Variants in CNTNAP5 observed in about 807,000 individuals in gnomAD.
CNTNAP5 encodes the protein contactin-associated protein-like 5.
In CNTNAP5, 72 loss-of-function variants were observed where a neutral mutation model predicts 150.2. The observed-to-expected ratio is 0.48, with a 90% CI of 0.40 to 0.58. The LOEUF is 0.58. CNTNAP5 is among the 20% of genes least tolerant of loss of function. The pLI is 0.00. For missense variants in CNTNAP5, 1,636 were observed against 1,626.2 expected (o/e 1.01, Z -0.10); for synonymous variants, 672 against 619.8 (o/e 1.08, Z -1.25).
rs183974807 is a variant in CNTNAP5 at position 124,295,285 on chromosome 2, C to T, written c.381+52892C>T. Among the ~76,000 whole-genome samples the T allele has an allele frequency of 3.3e-4, 28 of 84,756 alleles. No individual in the cohort carries two copies. The South Asian group carries it at 0.013, about 40-fold the overall frequency. 55.6% of individuals were successfully genotyped at this position (84,756 alleles called of 152,430 possible). On this transcript the variant is annotated intron_variant, in intron 3 of 23. Coordinates refer to ENST00000682447, the MANE Select transcript of CNTNAP5 (RefSeq NM_001367498.1). ...AACTCTAGTTTTGATCATTTGGGCTCATGTTTGGCAGAGGTGGGAGAGTCG... is the reference window on the plus strand; with the variant it reads ...AACTCTAGTTTTGATCATTTGGGCTTATGTTTGGCAGAGGTGGGAGAGTCG...
chr2:124,153,179 G>A (rs1407715246), intron 1 of CNTNAP5, among the ~76,000 whole-genome samples: 2 of 152,146 alleles, frequency 1.3e-5, no homozygotes, highest in Admixed American at 6.5e-5. Context: ...AAAGGATAGT[G>A]AAATTCATTA....
chr2:124,482,192 CAGAGAGCTTAT>C (rs1693776437), intron 7 of CNTNAP5, among the ~76,000 whole-genome samples: 1 of 152,182 alleles, frequency 6.6e-6, no homozygotes, highest in South Asian at 2.1e-4. Flanking sequence ...TCCTGTATTT[CAGAGAGCTTAT>C]AGACAAGGCC....
At chr2:124,666,493 G>A (rs1283808368) in intron 13 of CNTNAP5, among the ~76,000 whole-genome samples, 3 of 152,042 alleles carry the variant, frequency 2.0e-5, no homozygotes, top group Non-Finnish European at 4.4e-5. Context: ...TATTAATGCT[G>A]GTCAGCTGTG....
chr2:124,586,546 C>A (rs1021104790), intron 11 of CNTNAP5, among the ~76,000 whole-genome samples: 23 of 152,250 alleles, frequency 1.5e-4, no homozygotes, highest in African/African-American at 5.5e-4. Context: ...TCTTCAAATT[C>A]TTAAAAGTCA....
intron 10 of CNTNAP5, among the ~76,000 whole-genome samples, chr2:124,528,128 C>T (rs1695019609): frequency 6.6e-6 from 1 of 152,200 alleles, no homozygotes; most frequent in Non-Finnish European, 1.5e-5. Context: ...GAGCCTACCT[C>T]CTTCATTCTT....
intron 1 of CNTNAP5, among the ~76,000 whole-genome samples, chr2:124,036,652 T>G (rs1381691569): frequency 6.6e-6 from 1 of 152,070 alleles, no homozygotes; most frequent in Non-Finnish European, 1.5e-5. Context: ...ACACTGGAGA[T>G]TAGAGATAAA....
At position 124,858,408 on chromosome 2, in the gene CNTNAP5, A is replaced by G. The variant is rs554037863; in HGVS notation, c.3218-6898A>G. On this transcript the variant is annotated intron_variant, in intron 19 of 23. Transcript: ENST00000682447. The stretch of plus-strand genomic sequence containing the variant: ...AAATCACAAACATTCTTATACACCA[A>G]TAACAGACAGACAGAACCAAATCAT... Among the ~76,000 whole-genome samples the G allele has an allele frequency of 3.5e-4, 53 of 152,332 alleles. No homozygotes were observed. The South Asian group carries it at 0.011, about 31-fold the overall frequency.
intron 12 of CNTNAP5, among the ~76,000 whole-genome samples, chr2:124,621,653 G>C (rs150124413): frequency 4.6e-5 from 7 of 152,318 alleles, no homozygotes; most frequent in Non-Finnish European, 7.4e-5. Context: ...TATCCATGTG[G>C]TTTGGCCTAA....
At chr2:124,087,890 T>A (rs1210131611) in intron 1 of CNTNAP5, among the ~76,000 whole-genome samples, 6 of 152,224 alleles carry the variant, frequency 3.9e-5, no homozygotes, top group African/African-American at 1.4e-4. Flanking sequence ...TGTTTTTCTT[T>A]GTTTTTAAAA....
At chr2:124,321,864 T>C (rs2104669794) in intron 3 of CNTNAP5, among the ~76,000 whole-genome samples, 1 of 152,294 alleles carries the variant, frequency 6.6e-6, no homozygotes, top group South Asian at 2.1e-4. Flanking sequence ...AAAATGCTTA[T>C]ATCGGCCAGG....
intron 1 of CNTNAP5, among the ~76,000 whole-genome samples, chr2:124,126,566 A>G (rs1683707248): frequency 6.6e-6 from 1 of 152,184 alleles, no homozygotes. Flanking sequence ...TTATGAGGCC[A>G]GCAGCATCCT....
At chr2:124,870,329 G>A (rs1227371303) in intron 21 of CNTNAP5, among the ~76,000 whole-genome samples, 6 of 151,090 alleles carry the variant, frequency 4.0e-5, no homozygotes, top group South Asian at 2.1e-4. Context: ...AATTTATTTT[G>A]CCTATTATTA....
rs77710266 is a variant in CNTNAP5, at chr2:124,531,487, C to G, written c.1649+4031C>G. ...TTCAGTGAACAGCTGTTGATACACC[C>G]TCTGTAGTTCTGACTCATAGGTAGG... On this transcript the variant is annotated intron_variant, in intron 10 of 23. Transcript: ENST00000682447. Among the ~76,000 whole-genome samples, 966 of 152,264 alleles carry G rather than the reference C, an allele frequency of 6.3e-3. 7 individuals carry two copies. Among genetic ancestry groups the G allele is most frequent in the Middle Eastern group, 0.024 (7 of 294 alleles).
intron 8 of CNTNAP5, among the ~76,000 whole-genome samples, chr2:124,522,865 G>A (rs916449358): frequency 1.3e-5 from 2 of 152,088 alleles, no homozygotes; most frequent in South Asian, 2.1e-4. Context: ...CCCCTTAACT[G>A]TCATCCACTT....
chr2:124,620,222 T>G (rs915429417), intron 12 of CNTNAP5, among the ~76,000 whole-genome samples: 3 of 152,098 alleles, frequency 2.0e-5, no homozygotes, highest in African/African-American at 7.2e-5. Context: ...CACTGCCAAA[T>G]TGAAGACTAA....
chr2:124,535,150 G>A (rs1011312484), intron 10 of CNTNAP5, among the ~76,000 whole-genome samples: 3 of 152,074 alleles, frequency 2.0e-5, no homozygotes, highest in Admixed American at 1.3e-4. Context: ...TGACCACCGG[G>A]CCCATTCCTT....
At chr2:124,278,304 T>C (rs1687933269) in intron 3 of CNTNAP5, among the ~76,000 whole-genome samples, 1 of 152,064 alleles carries the variant, frequency 6.6e-6, no homozygotes, top group Admixed American at 6.6e-5. Context: ...AACTTGAAGA[T>C]AAAAAAATAA....
chr2:124,670,075 A>G (rs1678779353), intron 13 of CNTNAP5, among the ~76,000 whole-genome samples: 1 of 150,974 alleles, frequency 6.6e-6, no homozygotes, highest in South Asian at 2.1e-4. Context: ...GAGGCACTGG[A>G]TCTCTCTATA....
intron 19 of CNTNAP5, 61 bp from the exon 20 acceptor site, chr2:124,865,245 C>A: frequency 1.5e-6 from 2 of 1,341,410 alleles, no homozygotes; most frequent in South Asian, 1.4e-5. Context: ...ATAATCTGAT[C>A]ATGTCTTTGC....
Sources: gnomAD v4.1 joint callset for allele counts (sites outside exome capture counted in the v4.1 genomes callset) on GRCh38, gnomAD v4.1.1 for gene constraint, MANE v1.5 for transcripts, NCBI Gene and HGNC (gene_info 2026-07-23, HGNC 2026-07-21) for gene names.